Variants in SDF4 observed in about 807,000 individuals in gnomAD.
The protein encoded by SDF4 is stromal cell derived factor 4.
SDF4 carries 22 observed loss-of-function variants against 34.2 expected under a neutral mutation model. The observed-to-expected ratio is 0.64, with a 90% CI of 0.46 to 0.92. The LOEUF (loss-of-function observed/expected upper bound fraction) is 0.92. Ranked by LOEUF, SDF4 falls within the 40% of genes least tolerant of loss-of-function variation. SDF4 has a pLI of 0.00. For missense variants in SDF4, 447 were observed against 499.9 expected, an observed-to-expected ratio of 0.89 and a Z score of 1.01; for synonymous variants, 236 against 203.1, an observed-to-expected ratio of 1.16 and a Z score of -1.38.
At chr1:1,229,682 G>GGTTA (rs1346715247) in intron 1 of SDF4, among the ~76,000 whole-genome samples, 1 of 152,170 alleles carries the variant, frequency 6.6e-6, no homozygotes, top group Non-Finnish European at 1.5e-5. Flanking sequence ...TGACCCATGG[G>GGTTA]GTTAGGGTCA....
At chr1:1,230,316 A>G (rs1480118434) in intron 1 of SDF4, among the ~76,000 whole-genome samples, 11 of 152,216 alleles carry the variant, frequency 7.2e-5, no homozygotes, top group Non-Finnish European at 1.6e-4. Flanking sequence ...TATTAAACGA[A>G]AAAATGCTGC....
At position 1,222,606 on chromosome 1, in the gene SDF4, C is replaced by T. The variant is rs535123498; in HGVS notation, c.556+638G>A. Among the ~76,000 whole-genome samples the T allele has an allele frequency of 2.6e-5, 4 of 152,394 alleles. No homozygotes were observed. In the East Asian group the frequency reaches 7.7e-4, roughly 29 times the overall value. On this transcript the variant is annotated intron_variant, in intron 4 of 6. Coordinates refer to ENST00000360001, the MANE Select transcript of SDF4 (RefSeq NM_016176.6). Reference sequence around the variant, plus strand: ...GTGCCCTCTCCCCAGGAAACTCTGCCTCACGTGGCCTTCAGAGTACGGGGC... The same window carrying T: ...GTGCCCTCTCCCCAGGAAACTCTGCTTCACGTGGCCTTCAGAGTACGGGGC...
At chr1:1,226,590 C>A (rs942916900) in intron 2 of SDF4, among the ~76,000 whole-genome samples, 1 of 151,970 alleles carries the variant, frequency 6.6e-6, no homozygotes, top group East Asian at 1.9e-4. Context: ...CGGGGCCCTA[C>A]GCAGGAGAAG....
chr1:1,220,803 G>A, intron 4 of SDF4: 1 of 1,254,334 alleles, frequency 8.0e-7, no homozygotes, highest in Non-Finnish European at 1.0e-6. Context: ...GGCGGGCACG[G>A]GCAAGGCCTC....
At chr1:1,220,501 C>A in intron 4 of SDF4, 1 of 1,200,252 alleles carries the variant, frequency 8.3e-7, no homozygotes, top group Non-Finnish European at 1.1e-6. Context: ...CCGGCAGCTG[C>A]TCTTCCTGAG....
intron 4 of SDF4, chr1:1,221,379 G>A (rs1649947341): frequency 6.5e-6 from 1 of 153,436 alleles, no homozygotes; most frequent in Non-Finnish European, 1.5e-5. Flanking sequence ...GGCAACATGG[G>A]GAGACCTTGT....
chr1:1,220,190 C>T lies in SDF4; in HGVS notation c.557-1263G>A, dbSNP rs1029481438. 5.0e-6 allele frequency: 5 copies of T among 991,314 alleles called. No individual in the cohort carries two copies. In the African/African-American group the frequency reaches 7.0e-5, roughly 14 times the overall value. The allele number at this position is 991,314 out of a possible 1,614,324, so 61.4% of individuals were successfully genotyped here. A position where few individuals can be genotyped will look rare whatever the true frequency, so the allele number is the denominator to read the frequency against. ...GAAGCCTTGAGTCCCAGTCCCTCCC[C>T]ACGAGCCGGGCCTCTGCTGTTAGGG... On this transcript the variant is annotated intron_variant, in intron 4 of 6. Transcript: ENST00000360001.
In SDF4 at chr1:1,223,482, G is replaced by A; in HGVS notation, c.443-125C>T. The A allele has an allele frequency of 7.9e-6, 6 of 758,668 alleles. No individual in the cohort carries two copies. In the East Asian group the frequency reaches 1.3e-4, roughly 16 times the overall value. 47.0% of individuals were successfully genotyped at this position (758,668 alleles called of 1,614,324 possible). A position where few individuals can be genotyped will look rare whatever the true frequency, so the allele number is the denominator to read the frequency against. ...CAGGATGCCAGCGTCTGGAGCCCCA[G>A]GGCCCCGGCCAGCACCCCACACCCG... On this transcript the variant is annotated intron_variant, in intron 3 of 6. Transcript: ENST00000360001.
intron 2 of SDF4, among the ~76,000 whole-genome samples, chr1:1,226,199 A>G (rs1409671262): frequency 6.6e-6 from 1 of 152,220 alleles, no homozygotes; most frequent in Admixed American, 6.5e-5. Context: ...GCGAGCCCAG[A>G]GCATCTCACC....
intron 4 of SDF4, chr1:1,220,822 A>AGCACATCGCCAACAG: frequency 2.6e-6 from 3 of 1,165,674 alleles, no homozygotes; most frequent in Non-Finnish European, 3.4e-6. Flanking sequence ...TCCTGCCCCA[A>AGCACATCGCCAACAG]GCACATCGCC....
intron 4 of SDF4, chr1:1,220,529 A>G (rs2100970991): frequency 8.2e-7 from 1 of 1,221,072 alleles, no homozygotes; most frequent in Non-Finnish European, 1.0e-6. Flanking sequence ...CCAAATACCC[A>G]AAGAGGTCGG....
intron 1 of SDF4, among the ~76,000 whole-genome samples, chr1:1,231,067 A>G (rs967551508): frequency 6.6e-5 from 10 of 152,274 alleles, no homozygotes; most frequent in African/African-American, 2.4e-4. Flanking sequence ...TTAAAAAACA[A>G]AAACAAAAAG....
Position 1,217,207 on chromosome 1 carries a change from G to C in SDF4, c.*305C>G, listed in dbSNP as rs751363364. 2.5e-5 allele frequency: 4 copies of C among 161,792 alleles called. No individual in the cohort carries two copies. The highest frequency in any genetic ancestry group is 1.9e-4 in the Admixed American group (3 of 15,472). 10.0% of individuals were successfully genotyped at this position (161,792 alleles called of 1,614,324 possible). On this transcript the variant is annotated 3_prime_UTR_variant, in exon 7 of 7. Transcript: ENST00000360001. The surrounding 1 kb of genome is among the most constrained non-coding windows in gnomAD (Gnocchi z 8.5). ...CGGCCGCGATGCCGTCAGCGCCTTC[G>C]GCAGAGTGACTGAAGCGAGATTTCG...
Position 1,218,062 on chromosome 1 carries a change from C to T in SDF4, c.892-374G>A, listed in dbSNP as rs1426172356. Among the ~76,000 whole-genome samples, 1 of 152,226 alleles carries T rather than the reference C, an allele frequency of 6.6e-6. No homozygotes were observed. On this transcript the variant is annotated intron_variant, in intron 6 of 6. Coordinates refer to ENST00000360001, the MANE Select transcript of SDF4 (RefSeq NM_016176.6). This position sits in a 1 kb window ranked among gnomAD's most constrained non-coding sequence, Gnocchi z 7.9. ...AGCCTACACATGATACCAGTGAAAA[C>T]GCTTCAGAGGAAGGTGGTAAATTCC...
At chr1:1,223,409 C>T (rs1650095919) in intron 3 of SDF4, 52 bp from the exon 4 acceptor site, 3 of 1,283,894 alleles carry the variant, frequency 2.3e-6, no homozygotes, top group African/African-American at 1.5e-5. Flanking sequence ...GCTGAACTTC[C>T]TTCTCAACTG....
chr1:1,228,134 C>T (rs1238745215), intron 2 of SDF4, among the ~76,000 whole-genome samples: 1 of 152,216 alleles, frequency 6.6e-6, no homozygotes, highest in Non-Finnish European at 1.5e-5. Flanking sequence ...GGAGGCTGCC[C>T]GTGGCCGGCG....
intron 4 of SDF4, among the ~76,000 whole-genome samples, chr1:1,222,172 G>A (rs372518956): frequency 7.5e-4 from 114 of 152,344 alleles, no homozygotes; most frequent in African/African-American, 2.5e-3. Flanking sequence ...GACTCTGCAC[G>A]TTCTCCTCAA....
At chr1:1,220,117 A>AT in intron 4 of SDF4, 1 of 987,186 alleles carries the variant, frequency 1.0e-6, no homozygotes, top group Non-Finnish European at 1.2e-6. Context: ...CCAGCACAGG[A>AT]TTCTCACAGC....
chr1:1,228,389 A>C, intron 2 of SDF4, 79 bp downstream of exon 2: 1 of 1,429,472 alleles, frequency 7.0e-7, no homozygotes, highest in Non-Finnish European at 9.3e-7. Flanking sequence ...GGCGCCCCCC[A>C]CCGCGCAAAG....
Sources: gnomAD v4.1 joint callset for allele counts (sites outside exome capture counted in the v4.1 genomes callset) on GRCh38, gnomAD v4.1.1 for gene constraint, Gnocchi (gnomAD v3.1) non-coding constraint, MANE v1.5 for transcripts, NCBI Gene and HGNC (gene_info 2026-07-23, HGNC 2026-07-21) for gene names.